Variants in ZMAT4 observed in about 807,000 individuals in gnomAD.
ZMAT4 encodes the protein zinc finger matrin-type 4.
ZMAT4 carries 17 observed loss-of-function variants against 28.7 expected under a neutral mutation model. The observed-to-expected ratio is 0.59, with a 90% CI of 0.41 to 0.89. The LOEUF is 0.89. ZMAT4 is among the 40% of genes least tolerant of loss of function. The pLI is 0.00. For synonymous variants in ZMAT4, 117 were observed against 109.2 expected, an observed-to-expected ratio of 1.07 and a Z score of -0.44; for missense variants, 240 against 283.8, an observed-to-expected ratio of 0.85 and a Z score of 1.11.
intron 3 of ZMAT4, among the ~76,000 whole-genome samples, chr8:40,766,458 C>A (rs1022980456): frequency 6.6e-6 from 1 of 152,130 alleles, no homozygotes; most frequent in East Asian, 1.9e-4. Flanking sequence ...GAAAACTGGG[C>A]CTTCAAGAGA....
chr8:40,711,308 T>C (rs979894705), intron 3 of ZMAT4, among the ~76,000 whole-genome samples: 1 of 151,850 alleles, frequency 6.6e-6, no homozygotes, highest in Non-Finnish European at 1.5e-5. Flanking sequence ...ATGAAAAAAA[T>C]AGAAGAAAAC....
chr8:40,563,993 T>C (rs991727953), intron 6 of ZMAT4, among the ~76,000 whole-genome samples: 4 of 152,114 alleles, frequency 2.6e-5, no homozygotes, highest in Non-Finnish European at 4.4e-5. Context: ...CCTTTCACTT[T>C]CTCATCCCAG....
chr8:40,812,992 T>C (rs1271979625), intron 2 of ZMAT4, among the ~76,000 whole-genome samples: 1 of 148,022 alleles, frequency 6.8e-6, no homozygotes, highest in Non-Finnish European at 1.5e-5. Context: ...AATTAAAAAA[T>C]AAAAATATAT....
At chr8:40,859,534 G>T (rs549765915) in intron 1 of ZMAT4, among the ~76,000 whole-genome samples, 1 of 152,158 alleles carries the variant, frequency 6.6e-6, no homozygotes, top group East Asian at 1.9e-4. Context: ...GGAATTACAG[G>T]CCCAGCTATT....
intron 6 of ZMAT4, among the ~76,000 whole-genome samples, chr8:40,550,005 C>A (rs545089245): frequency 1.3e-5 from 2 of 152,130 alleles, no homozygotes; most frequent in African/African-American, 2.4e-5. Flanking sequence ...TAAACAAATT[C>A]TTTGCCAATT....
intron 1 of ZMAT4, among the ~76,000 whole-genome samples, chr8:40,896,350 G>A (rs1248006766): frequency 6.6e-6 from 1 of 152,166 alleles, no homozygotes; most frequent in African/African-American, 2.4e-5. Context: ...CCAGCTGCGG[G>A]TTTAACGGAA....
At chr8:40,557,653 A>G (rs1803590985) in intron 6 of ZMAT4, among the ~76,000 whole-genome samples, 1 of 152,094 alleles carries the variant, frequency 6.6e-6, no homozygotes, top group Non-Finnish European at 1.5e-5. Flanking sequence ...CTTTTTCTTA[A>G]CAAGGCATTT....
At chr8:40,845,983 T>C (rs1816881493) in intron 1 of ZMAT4, among the ~76,000 whole-genome samples, 1 of 152,044 alleles carries the variant, frequency 6.6e-6, no homozygotes, top group Admixed American at 6.5e-5. Flanking sequence ...ATCCTGGAAT[T>C]CGAAGGTTTG....
At chr8:40,852,018 T>A (rs1817127561) in intron 1 of ZMAT4, among the ~76,000 whole-genome samples, 1 of 152,178 alleles carries the variant, frequency 6.6e-6, no homozygotes, top group East Asian at 1.9e-4. Context: ...TGCCTCAGCC[T>A]CCCAAGTAGC....
chr8:40,866,328 G>A lies in ZMAT4; in HGVS notation c.-5+31355C>T, dbSNP rs138660462. On this transcript the variant is annotated intron_variant, in intron 1 of 6. Transcript: ENST00000297737. ...GGTGCCCCAGGGCTGGCACTGGGACGCCCCAAATGCCACATTGTGAGCAGA... is the reference window on the plus strand; with the variant it reads ...GGTGCCCCAGGGCTGGCACTGGGACACCCCAAATGCCACATTGTGAGCAGA... 4.7e-4 allele frequency among the ~76,000 whole-genome samples: 71 copies of A among 152,300 alleles called. No individual in the cohort carries two copies. The East Asian group carries it at 8.9e-3, about 19-fold the overall frequency.
At chr8:40,560,088 G>T (rs1270821936) in intron 6 of ZMAT4, among the ~76,000 whole-genome samples, 1 of 151,826 alleles carries the variant, frequency 6.6e-6, no homozygotes, top group Non-Finnish European at 1.5e-5. Flanking sequence ...TTTGTCCATG[G>T]CTTCCTGCCA....
At chr8:40,775,925 G>A (rs1361412459) in intron 2 of ZMAT4, among the ~76,000 whole-genome samples, 3 of 152,146 alleles carry the variant, frequency 2.0e-5, no homozygotes, top group African/African-American at 7.2e-5. Context: ...CTCTGTCCAT[G>A]TGCACAGAGA....
intron 5 of ZMAT4, among the ~76,000 whole-genome samples, chr8:40,616,154 C>T (rs1805998391): frequency 6.6e-6 from 1 of 152,166 alleles, no homozygotes; most frequent in South Asian, 2.1e-4. Context: ...CATCACTGGC[C>T]ATCAGAGAAA....
At chr8:40,766,259 C>T (rs988055178) in intron 3 of ZMAT4, among the ~76,000 whole-genome samples, 2 of 152,216 alleles carry the variant, frequency 1.3e-5, no homozygotes, top group Non-Finnish European at 2.9e-5. Context: ...ACTCTTTATA[C>T]AATGTCAATC....
chr8:40,630,905 A>G lies in ZMAT4; in HGVS notation c.577+43799T>C, dbSNP rs536620213. ...AATAAGTAAAATTAATTTTAGTAAT[A>G]TGTTTTACCTAATGCATCCAGATAC... is the stretch of plus-strand genomic sequence containing the variant. On this transcript the variant is annotated intron_variant, in intron 5 of 6. Transcript: ENST00000297737. Among the ~76,000 whole-genome samples, 10 of 152,358 alleles carry G rather than the reference A, an allele frequency of 6.6e-5. No individual in the cohort carries two copies. The East Asian group carries it at 1.9e-3, about 29-fold the overall frequency.
chr8:40,733,070 C>T (rs780927105), intron 3 of ZMAT4, among the ~76,000 whole-genome samples: 1 of 151,804 alleles, frequency 6.6e-6, no homozygotes, highest in Non-Finnish European at 1.5e-5. Context: ...GTCTTGAAAT[C>T]CTGGCCTCAA....
At chr8:40,603,436 G>A (rs1239973780) in intron 5 of ZMAT4, among the ~76,000 whole-genome samples, 1 of 152,000 alleles carries the variant, frequency 6.6e-6, no homozygotes, top group Admixed American at 6.6e-5. Context: ...ATGAGTTTTA[G>A]GATTGCTTTT....
At chr8:40,745,213 G>A (rs1271183778) in intron 3 of ZMAT4, among the ~76,000 whole-genome samples, 3 of 152,148 alleles carry the variant, frequency 2.0e-5, no homozygotes, top group Admixed American at 6.5e-5. Flanking sequence ...AGAAGTTGGT[G>A]TTATTAATCA....
At chr8:40,869,753 C>T (rs531390875) in intron 1 of ZMAT4, among the ~76,000 whole-genome samples, 93 of 152,254 alleles carry the variant, frequency 6.1e-4, no homozygotes, top group Non-Finnish European at 9.6e-4. Context: ...CTATTCCTGA[C>T]GTCTTATTCT....
Sources: gnomAD v4.1 joint callset for allele counts (sites outside exome capture counted in the v4.1 genomes callset) on GRCh38, gnomAD v4.1.1 for gene constraint, MANE v1.5 for transcripts, NCBI Gene and HGNC (gene_info 2026-07-23, HGNC 2026-07-21) for gene names.